HDAC9: variants seen among roughly 807,000 people sequenced by gnomAD.
HDAC9 encodes MEF-2 interacting transcription repressor (MITR) protein.
HDAC9 carries 41 observed loss-of-function variants against 139.4 expected under a neutral mutation model. That is an observed-to-expected ratio of 0.29 (90% CI 0.23 to 0.38). The LOEUF is 0.38. Among genes scored for constraint, HDAC9 ranks in the 10% least tolerant of loss-of-function variants. The pLI, the probability that HDAC9 is intolerant of heterozygous loss-of-function variation, is 1.00. For synonymous variants in HDAC9, 517 were observed against 476.2 expected (o/e 1.09, Z -1.12); for missense variants, 1,147 against 1,297.0 (o/e 0.88, Z 1.78).
In HDAC9 at chr7:18,998,952, AAC is replaced by A. The variant is rs1273796481; in HGVS notation, c.*2894_*2895del. 1 of 152,230 alleles carries A rather than the reference AAC, an allele frequency of 6.6e-6. No homozygotes were observed. Among genetic ancestry groups the A allele is most frequent in the East Asian group, 1.9e-4 (1 of 5,206 alleles). The allele number at this position is 152,230 out of a possible 1,614,324, so 9.4% of individuals were successfully genotyped here. ...TTTGGGGCTGTATATTAAACTAAAA[AAC>A]ACAGACAGTTTTATTAAATAGTAAC... On this transcript the variant is annotated 3_prime_UTR_variant, in exon 26 of 26. Transcript: ENST00000686413.
At chr7:18,876,704 T>TA (rs553888457) in intron 22 of HDAC9, among the ~76,000 whole-genome samples, 2 of 53,670 alleles carry the variant, frequency 3.7e-5, no homozygotes, top group Non-Finnish European at 7.5e-5. Flanking sequence ...TGAGAATAGA[T>TA]TTTTTTTTTT....
chr7:18,346,851 A>G (rs1302357359), intron 1 of HDAC9, among the ~76,000 whole-genome samples: 3 of 152,146 alleles, frequency 2.0e-5, no homozygotes, highest in Non-Finnish European at 2.9e-5. Flanking sequence ...AGAAGCTGAG[A>G]GTGCAGGTCA....
intron 1 of HDAC9, among the ~76,000 whole-genome samples, chr7:18,434,004 T>G (rs1032858017): frequency 2.0e-5 from 3 of 152,090 alleles, no homozygotes; most frequent in African/African-American, 7.2e-5. Context: ...CATCATTACC[T>G]GCTTTAAACT....
At chr7:18,201,144 A>G (rs1178316) in intron 2 of HDAC9, among the ~76,000 whole-genome samples, 112,104 of 151,934 alleles carry the variant, frequency 0.74, 41,758 homozygotes, top group South Asian at 0.88. Flanking sequence ...CTGCAAGTCT[A>G]TCCGGCTGCT....
chr7:18,533,942 GT>G (rs1238792954), intron 2 of HDAC9, among the ~76,000 whole-genome samples: 1 of 151,868 alleles, frequency 6.6e-6, no homozygotes, highest in Admixed American at 6.6e-5. Context: ...TTTTTTTTAA[GT>G]TTTTCATCAA....
chr7:18,993,277 T>TC (rs1380823322), intron 25 of HDAC9, among the ~76,000 whole-genome samples: 2 of 152,238 alleles, frequency 1.3e-5, no homozygotes, highest in Admixed American at 1.3e-4. Flanking sequence ...AGTGTATAAA[T>TC]CATGTTTTCT....
At chr7:18,703,930 C>T (rs902280051) in intron 12 of HDAC9, among the ~76,000 whole-genome samples, 4 of 152,150 alleles carry the variant, frequency 2.6e-5, no homozygotes, top group Admixed American at 2.6e-4. Context: ...TTTGCATACT[C>T]CCACAAGCAG....
intron 21 of HDAC9, among the ~76,000 whole-genome samples, chr7:18,862,382 C>G (rs1433850392): frequency 6.6e-6 from 1 of 152,100 alleles, no homozygotes; most frequent in Non-Finnish European, 1.5e-5. Flanking sequence ...ATGAATCCCC[C>G]CAGTCTCATA....
intron 2 of HDAC9, among the ~76,000 whole-genome samples, chr7:18,263,343 ATAT>A (rs1203253976): frequency 2.0e-5 from 3 of 152,168 alleles, no homozygotes; most frequent in Non-Finnish European, 4.4e-5. Flanking sequence ...CTCTTCTGTA[ATAT>A]TATTTCATTA....
chr7:18,917,155 A>G (rs1013122351), intron 22 of HDAC9, among the ~76,000 whole-genome samples: 29 of 152,018 alleles, frequency 1.9e-4, no homozygotes, highest in African/African-American at 6.8e-4. Context: ...ATATGAAATC[A>G]TCTTATGTTA....
chr7:18,176,850 G>C lies in HDAC9; in HGVS notation c.25+14501G>C, dbSNP rs548412336. 3.3e-5 allele frequency among the ~76,000 whole-genome samples: 5 copies of C among 152,076 alleles called. No individual in the cohort carries two copies. The South Asian group carries it at 1.0e-3, about 32-fold the overall frequency. ...GAAGAGTTGGATGTATCTTACTTTG[G>C]CTTTATGTTTAAAGTGAAACAGTAA... On this transcript the variant is annotated intron_variant, in intron 2 of 12. Transcript: ENST00000417496.
At chr7:18,465,060 G>A (rs1454002614) in intron 1 of HDAC9, among the ~76,000 whole-genome samples, 1 of 151,884 alleles carries the variant, frequency 6.6e-6, no homozygotes, top group African/African-American at 2.4e-5. Flanking sequence ...AGTTTTAGTT[G>A]CCTTTAAAAA....
intron 12 of HDAC9, among the ~76,000 whole-genome samples, chr7:18,670,436 G>A (rs1016741899): frequency 6.6e-6 from 1 of 152,060 alleles, no homozygotes; most frequent in Non-Finnish European, 1.5e-5. Flanking sequence ...GCTATAAACT[G>A]TGTTTAGGCA....
At chr7:18,352,909 T>TG (rs931630655) in intron 1 of HDAC9, among the ~76,000 whole-genome samples, 4 of 152,138 alleles carry the variant, frequency 2.6e-5, no homozygotes, top group South Asian at 2.1e-4. Flanking sequence ...TATAGGGTGT[T>TG]GCAGAAGGTC....
At chr7:18,446,054 C>A (rs1486351003) in intron 1 of HDAC9, among the ~76,000 whole-genome samples, 1 of 152,162 alleles carries the variant, frequency 6.6e-6, no homozygotes, top group African/African-American at 2.4e-5. Context: ...AAGTGTAGGT[C>A]TCTATTTAAA....
chr7:18,496,273 G>A lies in HDAC9; in HGVS notation c.-30G>A, dbSNP rs79608746. ...CTGTTTTTCCTCAGATGGGGTGGCT[G>A]GACGAGAGCAGCTCTTGGCTCAGCA... On this transcript the variant is annotated 5_prime_UTR_variant, in exon 2 of 26. Coordinates refer to ENST00000686413, the MANE Select transcript of HDAC9 (RefSeq NM_178425.4). 1.1e-5 allele frequency: 18 copies of A among 1,613,156 alleles called. No individual in the cohort carries two copies. In the East Asian group the frequency reaches 4.0e-4, roughly 36 times the overall value.
At chr7:18,609,139 A>C (rs570103582) in intron 6 of HDAC9, among the ~76,000 whole-genome samples, 2 of 152,300 alleles carry the variant, frequency 1.3e-5, no homozygotes, top group East Asian at 1.9e-4. Flanking sequence ...GCATTAGCCT[A>C]TTGTAGCTGT....
intron 25 of HDAC9, among the ~76,000 whole-genome samples, chr7:18,978,874 G>A (rs1784718594): frequency 6.6e-6 from 1 of 152,134 alleles, no homozygotes; most frequent in Admixed American, 6.6e-5. Context: ...AAGACTTCAA[G>A]ATGATCAACT....
At chr7:18,744,487 T>C (rs767760645) in intron 13 of HDAC9, among the ~76,000 whole-genome samples, 1 of 152,196 alleles carries the variant, frequency 6.6e-6, no homozygotes, top group Non-Finnish European at 1.5e-5. Flanking sequence ...GCAAACACCT[T>C]GGGAGGTGTG....
Sources: gnomAD v4.1 joint callset for allele counts (sites outside exome capture counted in the v4.1 genomes callset) on GRCh38, gnomAD v4.1.1 for gene constraint, MANE v1.5 for transcripts, NCBI Gene and HGNC (gene_info 2026-07-23, HGNC 2026-07-21) for gene names.